Variants in VPS13B observed in about 807,000 individuals in gnomAD.
The protein encoded by VPS13B is vacuolar protein sorting 13 homolog B.
In VPS13B, 285 loss-of-function variants were observed where a neutral mutation model predicts 426.4. The ratio of observed to expected loss-of-function variants is 0.67; its 90% CI spans 0.61 to 0.74. VPS13B has a LOEUF of 0.74. VPS13B is among the 30% of genes least tolerant of loss of function. The pLI, the probability that VPS13B is intolerant of heterozygous loss-of-function variation, is 0.00. For synonymous variants in VPS13B, 1,676 were observed against 1,676.4 expected (o/e 1.00, Z 0.01); for missense variants, 4,537 against 4,782.6 (o/e 0.95, Z 1.51).
chr8:99,677,128 AAAG>A (rs1428813832), intron 35 of VPS13B, among the ~76,000 whole-genome samples: 1 of 152,194 alleles, frequency 6.6e-6, no homozygotes, highest in Non-Finnish European at 1.5e-5. Context: ...AAAAAGAAAA[AAAG>A]AAGCAGCTAA....
intron 19 of VPS13B, among the ~76,000 whole-genome samples, chr8:99,329,804 A>G (rs1033762217): frequency 6.6e-6 from 1 of 152,084 alleles, no homozygotes; most frequent in African/African-American, 2.4e-5. Context: ...CTAACAGCAA[A>G]TAAAAATAAA....
intron 35 of VPS13B, among the ~76,000 whole-genome samples, chr8:99,677,063 C>G (rs1014939801): frequency 3.3e-5 from 5 of 152,140 alleles, no homozygotes; most frequent in African/African-American, 1.2e-4. Context: ...GTGCAATGAG[C>G]CGAGATCGTG....
Position 99,871,556 on chromosome 8 carries a change from A to C in VPS13B, c.11604A>C (p.Glu3868Asp). 1.2e-6 allele frequency: 2 copies of C among 1,614,210 alleles called. No homozygotes were observed. Among genetic ancestry groups the C allele is most frequent in the South Asian group, 1.1e-5 (1 of 91,078 alleles). The change falls in exon 61 of 62, where the codon GAA (glutamate) becomes GAC (aspartate). Residue 3868 changes from glutamate (E) to aspartate (D), a missense_variant. Physicochemically the swap from Glu to Asp is conservative, Grantham distance 45. Transcript: ENST00000357162. ...EHEGCLLLTS[E>D]VLFVVSVSED... ...AAGGGTGCTTGCTGCTGACATCAGAAGTGCTCTTCGTGGTGAGTGTCAGTG... is the reference window on the plus strand; with the variant it reads ...AAGGGTGCTTGCTGCTGACATCAGACGTGCTCTTCGTGGTGAGTGTCAGTG...
intron 17 of VPS13B, among the ~76,000 whole-genome samples, chr8:99,231,363 G>A (rs1243764525): frequency 1.3e-5 from 2 of 151,986 alleles, no homozygotes; most frequent in African/African-American, 4.8e-5. Flanking sequence ...AACTGGTGTT[G>A]CAGTCTGGTG....
intron 5 of VPS13B, among the ~76,000 whole-genome samples, chr8:99,105,808 T>A (rs1040310738): frequency 6.6e-6 from 1 of 152,188 alleles, no homozygotes; most frequent in African/African-American, 2.4e-5. Context: ...AGTTGGAAGA[T>A]CTTAGTTTGA....
At chr8:99,430,969 C>T (rs992534329) in intron 21 of VPS13B, among the ~76,000 whole-genome samples, 2 of 152,168 alleles carry the variant, frequency 1.3e-5, no homozygotes, top group South Asian at 2.1e-4. Context: ...CTGCCTGACT[C>T]GGCCTCCCAA....
At position 99,122,510 on chromosome 8, in the gene VPS13B, C is replaced by G. The variant is rs978792349; in HGVS notation, c.1206+1065C>G. On this transcript the variant is annotated intron_variant, in intron 8 of 61. Coordinates refer to ENST00000357162, the MANE Select transcript of VPS13B (RefSeq NM_152564.5). ...AAAATAAATATAAAATTCCTAGTAG[C>G]TTTGATCCCCCATGTGTTCTTCTTT... is the stretch of plus-strand genomic sequence containing the variant. Among the ~76,000 whole-genome samples, 3 of 152,090 alleles carry G rather than the reference C, an allele frequency of 2.0e-5. No individual in the cohort carries two copies. In the South Asian group the frequency reaches 6.2e-4, roughly 31 times the overall value.
intron 44 of VPS13B, among the ~76,000 whole-genome samples, chr8:99,813,932 G>C (rs1464417008): frequency 6.6e-6 from 1 of 152,142 alleles, no homozygotes; most frequent in Non-Finnish European, 1.5e-5. Flanking sequence ...CCAGGGGTTT[G>C]AGACCAGCGT....
intron 24 of VPS13B, among the ~76,000 whole-genome samples, chr8:99,478,473 G>GT (rs1237481014): frequency 0.027 from 1,492 of 55,396 alleles, 26 homozygotes; most frequent in East Asian, 0.066. Context: ...TTTGTTTTTT[G>GT]TTTTTTTTTT....
chr8:99,256,669 TA>T (rs1376036339), intron 17 of VPS13B, among the ~76,000 whole-genome samples: 2 of 152,214 alleles, frequency 1.3e-5, no homozygotes, highest in Non-Finnish European at 2.9e-5. Context: ...TTCATGTGCT[TA>T]TTATCCATTT....
chr8:99,174,949 C>T (rs1485941804), intron 16 of VPS13B, among the ~76,000 whole-genome samples: 6 of 152,054 alleles, frequency 3.9e-5, no homozygotes, highest in Admixed American at 2.6e-4. Context: ...GATTACTTAA[C>T]ATTTTTCTAT....
intron 29 of VPS13B, among the ~76,000 whole-genome samples, chr8:99,518,032 T>A (rs927016687): frequency 7.2e-5 from 11 of 152,198 alleles, no homozygotes; most frequent in Non-Finnish European, 1.2e-4. Flanking sequence ...CTCTTTTTTT[T>A]AATTATAACT....
At chr8:99,159,876 C>A (rs1811552076) in intron 15 of VPS13B, among the ~76,000 whole-genome samples, 1 of 152,068 alleles carries the variant, frequency 6.6e-6, no homozygotes, top group Non-Finnish European at 1.5e-5. Flanking sequence ...CCAGGCTGGT[C>A]TCGAATTCCT....
intron 30 of VPS13B, among the ~76,000 whole-genome samples, chr8:99,544,381 T>G (rs1372585402): frequency 3.9e-5 from 6 of 152,034 alleles, no homozygotes; most frequent in Non-Finnish European, 7.4e-5. Context: ...AGTTAGTGGG[T>G]GCAGCGCACC....
intron 25 of VPS13B, among the ~76,000 whole-genome samples, chr8:99,498,196 G>A (rs1821034091): frequency 6.6e-6 from 1 of 151,964 alleles, no homozygotes; most frequent in African/African-American, 2.4e-5. Flanking sequence ...TGTGTTACTT[G>A]TATTAATTAT....
chr8:99,367,430 C>T (rs1812950711), intron 19 of VPS13B, among the ~76,000 whole-genome samples: 1 of 152,134 alleles, frequency 6.6e-6, no homozygotes, highest in African/African-American at 2.4e-5. Flanking sequence ...ATCCTTTCTT[C>T]ATCCTTGACT....
intron 15 of VPS13B, among the ~76,000 whole-genome samples, chr8:99,168,823 T>A (rs532129073): frequency 0.01 from 1,573 of 152,172 alleles, 15 homozygotes; most frequent in Admixed American, 0.052. Flanking sequence ...TCCTTGATAG[T>A]AATTACATAA....
At chr8:99,365,127 C>T (rs1283971453) in intron 19 of VPS13B, among the ~76,000 whole-genome samples, 1 of 150,500 alleles carries the variant, frequency 6.6e-6, no homozygotes, top group Non-Finnish European at 1.5e-5. Context: ...TGTAATATCT[C>T]CTTTTTCATC....
At chr8:99,675,727 TATTC>T in intron 35 of VPS13B, among the ~76,000 whole-genome samples, 1 of 152,244 alleles carries the variant, frequency 6.6e-6, no homozygotes, top group Middle Eastern at 3.4e-3. Flanking sequence ...CTGCTGTTGA[TATTC>T]TCTTTTTTAT....
Sources: allele counts gnomAD v4.1 joint callset (sites outside exome capture counted in the v4.1 genomes callset), GRCh38; gene constraint gnomAD v4.1.1; transcripts MANE v1.5; gene names NCBI Gene and HGNC (gene_info 2026-07-23, HGNC 2026-07-21).